Variants in ROBO1 observed in about 807,000 individuals in gnomAD.
The protein encoded by ROBO1 is roundabout guidance receptor 1, also known as roundabout homolog 1.
A neutral mutation model predicts 195.9 loss-of-function variants in ROBO1; 149 were observed. The ratio of observed to expected loss-of-function variants is 0.76; its 90% CI spans 0.67 to 0.87. The LOEUF (loss-of-function observed/expected upper bound fraction) is 0.87, where lower values mean the gene tolerates loss of function less well. ROBO1 is among the 40% of genes least tolerant of loss of function. The probability of loss-of-function intolerance (pLI) is 0.00; values close to 1 mark genes in which losing one functional copy is unlikely to be tolerated. For missense variants in ROBO1, 1,933 were observed against 2,068.3 expected (o/e 0.93, Z 1.27); for synonymous variants, 816 against 733.2 (o/e 1.11, Z -1.82).
rs200590399 is a variant in ROBO1 at position 78,614,723 on chromosome 3, C to T, written c.4360G>A (p.Val1454Ile). 223 of 1,612,982 alleles carry T rather than the reference C, an allele frequency of 1.4e-4. No individual in the cohort carries two copies. Among genetic ancestry groups the T allele is most frequent in the Middle Eastern group, 1.3e-3 (8 of 6,082 alleles). ...TTGGCTGGTCTGGTTTTCTGCATTA[C>T]GGCGGCACTCATGTTGCTGTCTGTA... ...VSTDSNMSAA[V>I]MQKTRPAKKL... The change falls in exon 28 of 31, where the codon GTA becomes ATA. Residue 1454 changes from valine to isoleucine, a missense_variant. Transcript: ENST00000464233.
intron 3 of ROBO1, among the ~76,000 whole-genome samples, chr3:78,952,955 C>T (rs2040863731): frequency 6.6e-6 from 1 of 151,870 alleles, no homozygotes; most frequent in African/African-American, 2.4e-5. Context: ...AAATGGTTAC[C>T]AAAATAGACC....
chr3:78,705,238 CAATT>C (rs964763254), intron 8 of ROBO1, among the ~76,000 whole-genome samples: 2 of 152,078 alleles, frequency 1.3e-5, no homozygotes, highest in African/African-American at 4.8e-5. Context: ...GACAAAATAA[CAATT>C]AACAGGGACC....
At chr3:78,908,792 G>A (rs484531) in intron 4 of ROBO1, among the ~76,000 whole-genome samples, 65,199 of 151,518 alleles carry the variant, frequency 0.43, 15,849 homozygotes, top group African/African-American at 0.67. Flanking sequence ...TCTGTACTCT[G>A]GAGATTCCTA....
intron 25 of ROBO1, among the ~76,000 whole-genome samples, chr3:78,630,255 A>G (rs1705103190): frequency 6.6e-6 from 1 of 152,230 alleles, no homozygotes; most frequent in Admixed American, 6.5e-5. Flanking sequence ...TCCTAGGCCC[A>G]ATGAATGGTT....
intron 2 of ROBO1, among the ~76,000 whole-genome samples, chr3:79,379,793 C>T (rs897218416): frequency 2.0e-5 from 3 of 152,138 alleles, no homozygotes; most frequent in Non-Finnish European, 4.4e-5. Flanking sequence ...CGACAAAAAT[C>T]AGACTCACTT....
At chr3:78,766,799 C>T (rs543020913) in intron 4 of ROBO1, among the ~76,000 whole-genome samples, 1 of 152,204 alleles carries the variant, frequency 6.6e-6, no homozygotes. Context: ...CCCTTGTATG[C>T]CAATCTTGCT....
At chr3:78,724,130 G>A (rs1349794354) in intron 5 of ROBO1, among the ~76,000 whole-genome samples, 2 of 151,938 alleles carry the variant, frequency 1.3e-5, no homozygotes. Flanking sequence ...CACAAAGTAG[G>A]GCAAATGAAC....
intron 3 of ROBO1, among the ~76,000 whole-genome samples, chr3:79,052,196 C>A (rs2078713139): frequency 6.6e-6 from 1 of 151,994 alleles, no homozygotes; most frequent in Non-Finnish European, 1.5e-5. Flanking sequence ...AATGCATTCC[C>A]AAGGGGAGGT....
chr3:79,451,935 T>C (rs929876441), intron 2 of ROBO1, among the ~76,000 whole-genome samples: 6 of 151,894 alleles, frequency 4.0e-5, no homozygotes, highest in Non-Finnish European at 8.8e-5. Flanking sequence ...AGTTAAGCAA[T>C]AAAATGATGG....
rs572669503 is a variant in ROBO1, at chr3:79,422,997, C to A, written c.88+166827G>T. Among the ~76,000 whole-genome samples, 1,419 of 147,164 alleles carry A rather than the reference C, an allele frequency of 9.6e-3. 21 individuals are homozygous for A. The highest frequency in any genetic ancestry group is 0.034 in the African/African-American group (1,346 of 39,932). On this transcript the variant is annotated intron_variant, in intron 2 of 30. Transcript: ENST00000464233. ...TATTTCCACTACTGTATAGAAAAAA[C>A]CACCTGGTTGTGCTGGAGAGAATTA...
chr3:78,982,222 C>T (rs2077011388), intron 3 of ROBO1, among the ~76,000 whole-genome samples: 1 of 152,180 alleles, frequency 6.6e-6, no homozygotes, highest in South Asian at 2.1e-4. Context: ...GAATTACCTA[C>T]ACCCCAATTC....
At chr3:79,271,950 T>C (rs1362950226) in intron 2 of ROBO1, among the ~76,000 whole-genome samples, 1 of 152,094 alleles carries the variant, frequency 6.6e-6, no homozygotes, top group Non-Finnish European at 1.5e-5. Context: ...ACTGGTGACA[T>C]GGAAATCTAT....
rs187239207 is a variant in ROBO1, at chr3:79,386,021, T to C, written c.88+203803A>G. Among the ~76,000 whole-genome samples, 52 of 152,252 alleles carry C rather than the reference T, an allele frequency of 3.4e-4. No homozygotes were observed. In the East Asian group the frequency reaches 7.7e-3, roughly 23 times the overall value. ...ATAATTTTGGGAAAATAACGTAAAA[T>C]TGTGAGGTCATCTTTATATTAGTCC... On this transcript the variant is annotated intron_variant, in intron 2 of 30. Transcript: ENST00000464233.
At position 78,635,795 on chromosome 3, in the gene ROBO1, C is replaced by A; in HGVS notation, c.3351G>T (p.Val1117=). ...CACCTTTGTTCAGCTTGTTTTGCTC[C>A]ACGATGTTGTACTGAACTGGTGCCA... ...QEVAPVQYNI[V]EQNKLNKDYR... is the part of the protein sequence containing the mutation. Residue 1117 remains valine (V), a synonymous_variant, in exon 23 of 31, where the codon GTG becomes GTT. Transcript: ENST00000464233. 6.2e-7 allele frequency: 1 copy of A among 1,613,704 alleles called. No individual in the cohort carries two copies. Among genetic ancestry groups the A allele is most frequent in the South Asian group, 1.1e-5 (1 of 91,072 alleles).
At chr3:79,539,410 A>G (rs1204557337) in intron 2 of ROBO1, among the ~76,000 whole-genome samples, 2 of 152,160 alleles carry the variant, frequency 1.3e-5, no homozygotes, top group African/African-American at 4.8e-5. Flanking sequence ...GTTTTAAAAA[A>G]GACTTTTGGG....
At chr3:79,319,924 G>C (rs1044954345) in intron 2 of ROBO1, among the ~76,000 whole-genome samples, 1 of 152,040 alleles carries the variant, frequency 6.6e-6, no homozygotes, top group Non-Finnish European at 1.5e-5. Flanking sequence ...AATGCTGTAA[G>C]GTAATATTAA....
intron 4 of ROBO1, among the ~76,000 whole-genome samples, chr3:78,910,530 G>GT (rs2038180764): frequency 6.6e-6 from 1 of 151,830 alleles, no homozygotes; most frequent in Admixed American, 6.6e-5. Flanking sequence ...CAGGTAATTC[G>GT]TAACAGTTAA....
At chr3:78,668,323 C>A in intron 12 of ROBO1, 21 bp from the exon 13 acceptor site, 1 of 1,611,150 alleles carries the variant, frequency 6.2e-7, no homozygotes, top group Non-Finnish European at 8.5e-7. Flanking sequence ...GGAAAAAGGC[C>A]AAAATAAAAG....
At chr3:79,007,625 T>A (rs1227076461) in intron 3 of ROBO1, among the ~76,000 whole-genome samples, 2 of 152,246 alleles carry the variant, frequency 1.3e-5, no homozygotes, top group Non-Finnish European at 2.9e-5. Context: ...GGTTGAAGCA[T>A]GTTTTAAAAT....
Sources: allele counts gnomAD v4.1 joint callset (sites outside exome capture counted in the v4.1 genomes callset), GRCh38; gene constraint gnomAD v4.1.1; transcripts MANE v1.5; gene names NCBI Gene and HGNC (gene_info 2026-07-23, HGNC 2026-07-21).